MACC1: variants seen among roughly 807,000 people sequenced by gnomAD.
MACC1 encodes the protein MET transcriptional regulator MACC1, also known as metastasis-associated in colon cancer protein 1.
MACC1 carries 79 observed loss-of-function variants against 70.7 expected under a neutral mutation model. The ratio of observed to expected loss-of-function variants is 1.12; its 90% confidence interval spans 0.93 to 1.35. The LOEUF (loss-of-function observed/expected upper bound fraction) is 1.35. Among genes scored for constraint, MACC1 ranks in the 40% most tolerant of loss-of-function variants. The pLI is 0.00. For missense variants in MACC1, 1,106 were observed against 978.1 expected (o/e 1.13, Z -1.74); for synonymous variants, 361 against 347.2 (o/e 1.04, Z -0.44).
chr7:20,161,177 C>T (rs1236840702), intron 4 of MACC1, among the ~76,000 whole-genome samples: 3 of 151,960 alleles, frequency 2.0e-5, no homozygotes, highest in Non-Finnish European at 4.4e-5. Context: ...GCTAGTGCTG[C>T]TTTTAGAGAC....
intron 1 of MACC1, among the ~76,000 whole-genome samples, chr7:20,185,389 T>TAATC (rs2128106357): frequency 6.6e-6 from 1 of 152,252 alleles, no homozygotes; most frequent in East Asian, 1.9e-4. Flanking sequence ...AATTGACATG[T>TAATC]AATCATAGAA....
chr7:20,197,425 A>G (rs541494692), intron 1 of MACC1, among the ~76,000 whole-genome samples: 3 of 152,296 alleles, frequency 2.0e-5, no homozygotes, highest in Admixed American at 6.5e-5. Context: ...TGTTTTTTGT[A>G]TGTTAAATAA....
chr7:20,196,590 T>TAC (rs1562599899), intron 1 of MACC1, among the ~76,000 whole-genome samples: 1 of 151,486 alleles, frequency 6.6e-6, no homozygotes, highest in African/African-American at 2.4e-5. Flanking sequence ...CGGCCCATTT[T>TAC]ATATATATAT....
chr7:20,178,909 C>G (rs1301615685), intron 1 of MACC1, among the ~76,000 whole-genome samples: 2 of 151,954 alleles, frequency 1.3e-5, no homozygotes, highest in African/African-American at 4.8e-5. Flanking sequence ...CCAGATTTAC[C>G]TTTTTTATCA....
At position 20,138,444 on chromosome 7, in the gene MACC1, C is replaced by T. The variant is rs2128099155; in HGVS notation, c.*2502G>A. On this transcript the variant is annotated 3_prime_UTR_variant, in exon 7 of 7. Transcript: ENST00000400331. ...ACCCAGTTATTAATCCCCACTATCCCTTCCCAAAATTCTCTGGTTAGCTGA... is the reference window on the plus strand; with the variant it reads ...ACCCAGTTATTAATCCCCACTATCCTTTCCCAAAATTCTCTGGTTAGCTGA... 1 of 152,194 alleles carries T rather than the reference C, an allele frequency of 6.6e-6. No homozygotes were observed. The highest frequency in any genetic ancestry group is 1.5e-5 in the Non-Finnish European group (1 of 68,004). 9.4% of individuals were successfully genotyped at this position (152,194 alleles called of 1,614,324 possible).
At chr7:20,203,314 C>T (rs1202126654) in intron 1 of MACC1, among the ~76,000 whole-genome samples, 3 of 152,142 alleles carry the variant, frequency 2.0e-5, no homozygotes, top group Non-Finnish European at 1.5e-5. Flanking sequence ...CCTCTTCCAT[C>T]GCCCAACTAA....
At chr7:20,166,212 T>C (rs774994949) in intron 2 of MACC1, among the ~76,000 whole-genome samples, 2 of 152,216 alleles carry the variant, frequency 1.3e-5, no homozygotes, top group Non-Finnish European at 2.9e-5. Context: ...ATCTATGTGA[T>C]AATAAAAACA....
chr7:20,183,175 T>C (rs1782535920), intron 1 of MACC1, among the ~76,000 whole-genome samples: 1 of 152,210 alleles, frequency 6.6e-6, no homozygotes, highest in Non-Finnish European at 1.5e-5. Context: ...AAGCAGAATC[T>C]TCTCTAGCTC....
chr7:20,214,780 A>G (rs757246282), intron 1 of MACC1, among the ~76,000 whole-genome samples: 8 of 152,152 alleles, frequency 5.3e-5, no homozygotes, highest in Non-Finnish European at 1.0e-4. Flanking sequence ...AACTTTCTCA[A>G]TCTGTAATCT....
chr7:20,186,063 A>G (rs915907585), intron 1 of MACC1, among the ~76,000 whole-genome samples: 7 of 152,206 alleles, frequency 4.6e-5, no homozygotes, highest in African/African-American at 1.4e-4. Flanking sequence ...TTCTGAAGGA[A>G]TAACTACAGA....
In MACC1 at chr7:20,140,964, G is replaced by C; in HGVS notation, c.2541C>G (p.Ser847=). The C allele has an allele frequency of 6.2e-7, 1 of 1,612,478 alleles. No homozygotes were observed. The highest frequency in any genetic ancestry group is 8.5e-7 in the Non-Finnish European group (1 of 1,179,008). Residue 847 remains serine, a synonymous_variant, in exon 7 of 7, where the codon TCC becomes TCG. Transcript: ENST00000400331. The part of the protein sequence containing the change: ...SLEVLRVTAF[S]TSEEV The stretch of plus-strand genomic sequence containing the variant: ...TTTGTTTCTATACTTCCTCAGAAGT[G>C]GAGAATGCAGTTACTCTCAAAACCT...
chr7:20,178,288 CACACACACACT>C (rs766476504), intron 1 of MACC1, among the ~76,000 whole-genome samples: 6,192 of 151,326 alleles, frequency 0.041, 432 homozygotes, highest in African/African-American at 0.14. Context: ...CACACACACA[CACACACACACT>C]CCAGAGAATA....
rs1781735243 is a variant in MACC1 at position 20,137,599 on chromosome 7, T to C, written c.*3347A>G. The C allele has an allele frequency of 6.6e-6, 1 of 152,236 alleles. No individual in the cohort carries two copies. Among genetic ancestry groups the C allele is most frequent in the African/African-American group, 2.4e-5 (1 of 41,472 alleles). 9.4% of individuals were successfully genotyped at this position (152,236 alleles called of 1,614,324 possible). On this transcript the variant is annotated 3_prime_UTR_variant, in exon 7 of 7. Coordinates refer to ENST00000400331, the MANE Select transcript of MACC1 (RefSeq NM_182762.4). ...CTGAAAGAACCATGTAAACATTTTC[T>C]GCTTTCAAAATGCTTAAAGAAGTTT...
intron 1 of MACC1, among the ~76,000 whole-genome samples, chr7:20,198,085 G>A (rs1360645691): frequency 7.4e-6 from 1 of 135,172 alleles, no homozygotes; most frequent in Non-Finnish European, 1.6e-5. Flanking sequence ...TAATCCAGGT[G>A]GTAAAGGGAA....
At chr7:20,143,471 C>A (rs1781838107) in intron 6 of MACC1, among the ~76,000 whole-genome samples, 1 of 152,154 alleles carries the variant, frequency 6.6e-6, no homozygotes, top group South Asian at 2.1e-4. Context: ...TCACTGCAAC[C>A]TCCCACTCCC....
At chr7:20,149,042 A>T (rs970786548) in intron 6 of MACC1, among the ~76,000 whole-genome samples, 1 of 152,204 alleles carries the variant, frequency 6.6e-6, no homozygotes, top group Non-Finnish European at 1.5e-5. Context: ...AGAAGTTGCC[A>T]TGTAAGCCAG....
In MACC1 at chr7:20,158,638, CT is replaced by C. The variant is rs1255083628; in HGVS notation, c.1722del (p.Asp576ThrfsTer3). On this transcript the variant is annotated frameshift_variant, in exon 5 of 7. Coordinates refer to ENST00000400331, the MANE Select transcript of MACC1 (RefSeq NM_182762.4). LOFTEE classifies it high-confidence loss of function. ...SKIDYFLEYF[K>X]GDTIALLGEG... ...TCCCCGAGGAGAGCTATTGTGTCCC[CT>C]TTGAAATATTCAAGGAAGTAATCAA... 1.9e-6 allele frequency: 3 copies of C among 1,613,962 alleles called. No homozygotes were observed. In the African/African-American group the frequency reaches 4.0e-5, roughly 22 times the overall value.
At chr7:20,175,235 T>C (rs1782373525) in intron 1 of MACC1, among the ~76,000 whole-genome samples, 1 of 152,114 alleles carries the variant, frequency 6.6e-6, no homozygotes, top group Admixed American at 6.5e-5. Flanking sequence ...TGGTATATGA[T>C]GCAAAATTTA....
At chr7:20,187,708 G>C (rs1583404079) in intron 1 of MACC1, among the ~76,000 whole-genome samples, 2 of 152,234 alleles carry the variant, frequency 1.3e-5, no homozygotes, top group Admixed American at 1.3e-4. Context: ...TTTCAATTTG[G>C]GGTTGTTAAC....
Sources: allele counts gnomAD v4.1 joint callset (sites outside exome capture counted in the v4.1 genomes callset), GRCh38; gene constraint gnomAD v4.1.1; transcripts MANE v1.5; gene names NCBI Gene and HGNC (gene_info 2026-07-23, HGNC 2026-07-21).